The following ASB13 variants were observed in gnomAD, a reference collection of about 807,000 sequenced individuals.
ASB13 encodes the protein ankyrin repeat and SOCS box protein 13.
Under a neutral mutation model 28.8 loss-of-function variants are expected in ASB13, and 33 were observed. The observed-to-expected ratio is 1.15, with a 90% CI of 0.87 to 1.53. ASB13 has a LOEUF of 1.53. ASB13 is among the 40% of genes most tolerant of loss of function. ASB13 has a pLI of 0.00. For missense variants in ASB13, 414 were observed against 390.1 expected (o/e 1.06, Z -0.52); for synonymous variants, 182 against 172.9 (o/e 1.05, Z -0.41).
rs949028576 is a variant in ASB13, at chr10:5,642,977, C to T, written c.518-1016G>A. Among the ~76,000 whole-genome samples, 3 of 152,112 alleles carry T rather than the reference C, an allele frequency of 2.0e-5. No individual in the cohort carries two copies. Among genetic ancestry groups the T allele is most frequent in the African/African-American group, 7.2e-5 (3 of 41,412 alleles). ...TTTTTGTAACACATCATTCTTAGGGCACAGCCATCACTGATCCGATACAAT... is the reference window on the plus strand; with the variant it reads ...TTTTTGTAACACATCATTCTTAGGGTACAGCCATCACTGATCCGATACAAT... On this transcript the variant is annotated intron_variant, in intron 4 of 5. Transcript: ENST00000357700. This position sits in a 1 kb window ranked among gnomAD's most constrained non-coding sequence, Gnocchi z 4.1.
At position 5,645,266 on chromosome 10, in the gene ASB13, A is replaced by T. The variant is rs1277027443; in HGVS notation, c.518-3305T>A. On this transcript the variant is annotated intron_variant, in intron 4 of 5. Coordinates refer to ENST00000357700, the MANE Select transcript of ASB13 (RefSeq NM_024701.4). The surrounding 1 kb of genome is among the most constrained non-coding windows in gnomAD (Gnocchi z 5.4). ...AAAAAAAAATTAAATTTAAAAAATT[A>T]TAATTAAAAAATTTTTTAAAAATTA... 6.6e-6 allele frequency among the ~76,000 whole-genome samples: 1 copy of T among 152,066 alleles called. No individual in the cohort carries two copies. The highest frequency in any genetic ancestry group is 1.5e-5 in the Non-Finnish European group (1 of 68,006).
chr10:5,642,377 G>T lies in ASB13; in HGVS notation c.518-416C>A. 1.6e-6 allele frequency: 1 copy of T among 629,856 alleles called. No individual in the cohort carries two copies. Among genetic ancestry groups the T allele is most frequent in the Non-Finnish European group, 2.2e-6 (1 of 458,542 alleles). The allele number at this position is 629,856 out of a possible 1,614,324, so 39.0% of individuals were successfully genotyped here. A position where few individuals can be genotyped will look rare whatever the true frequency, so the allele number is the denominator to read the frequency against. ...CACACACTGCTTCTTCCTCTTGCGG[G>T]CCCAGGACGGAGGCTCCAGAAATAC... On this transcript the variant is annotated intron_variant, in intron 4 of 5. Transcript: ENST00000357700. The surrounding 1 kb of genome is among the most constrained non-coding windows in gnomAD (Gnocchi z 4.1).
Position 5,652,880 on chromosome 10 carries a change from G to C in ASB13, c.214C>G (p.Leu72Val). 6.4e-7 allele frequency: 1 copy of C among 1,556,740 alleles called. No individual in the cohort carries two copies. Among genetic ancestry groups the C allele is most frequent in the Non-Finnish European group, 8.7e-7 (1 of 1,149,586 alleles). The change falls in exon 2 of 6, where the codon CTG (leucine) becomes GTG (valine). Residue 72 changes from leucine to valine, a missense_variant. By Grantham distance (32) the Leu-to-Val change is conservative. Coordinates refer to ENST00000357700, the MANE Select transcript of ASB13 (RefSeq NM_024701.4). This position sits in a 1 kb window ranked among gnomAD's most constrained non-coding sequence, Gnocchi z 5.0. The part of the protein sequence containing the change: ...QGQARCVQLL[L>V]AAGAQVDARN... ...CCACTCACCTGGGCCCCAGCCGCCA[G>C]CAGCAGCTGCACACACCGCGCCTGG...
In ASB13 at chr10:5,651,306, T is replaced by C; in HGVS notation, c.289A>G (p.Ser97Gly). 1 of 1,613,990 alleles carries C rather than the reference T, an allele frequency of 6.2e-7. No individual in the cohort carries two copies. Among genetic ancestry groups the C allele is most frequent in the Non-Finnish European group, 8.5e-7 (1 of 1,179,962 alleles). The change falls in exon 3 of 6, where the codon AGC (serine) becomes GGC (glycine). Residue 97 changes from serine (S) to glycine (G), a missense_variant. Physicochemically the swap from Ser to Gly is moderately conservative, Grantham distance 56. Transcript: ENST00000357700. The surrounding 1 kb of genome is among the most constrained non-coding windows in gnomAD (Gnocchi z 5.1). The stretch of plus-strand genomic sequence containing the variant: ...AGCAAGAGCTTCACACACTCGATGC[T>C]GCCCGAGGCGCAGGCATCGCAGAGC... Reference protein sequence around the residue: ...TPLCDACASGSIECVKLLLSY... With the variant: ...TPLCDACASGGIECVKLLLSY...
intron 1 of ASB13, among the ~76,000 whole-genome samples, chr10:5,662,445 C>T (rs576880702): frequency 1.3e-5 from 2 of 149,192 alleles, no homozygotes; most frequent in Non-Finnish European, 3.0e-5. Flanking sequence ...ACAGGAGAAT[C>T]GCTTGAACCA....
chr10:5,650,117 C>T lies in ASB13; in HGVS notation c.383-1013G>A, dbSNP rs559856000. Among the ~76,000 whole-genome samples the T allele has an allele frequency of 6.6e-6, 1 of 152,290 alleles. No individual in the cohort carries two copies. The highest frequency in any genetic ancestry group is 2.4e-5 in the African/African-American group (1 of 41,546). ...CTCAAACCTGACTCATTTCTGACCTCTTGAGCCTCCCCTTCATACGAAATC... is the reference window on the plus strand; with the variant it reads ...CTCAAACCTGACTCATTTCTGACCTTTTGAGCCTCCCCTTCATACGAAATC... On this transcript the variant is annotated intron_variant, in intron 3 of 5. Coordinates refer to ENST00000357700, the MANE Select transcript of ASB13 (RefSeq NM_024701.4). The surrounding 1 kb of genome is among the most constrained non-coding windows in gnomAD (Gnocchi z 6.0).
rs1447004086 is a variant in ASB13 at position 5,660,326 on chromosome 10, C to G, written c.43+6183G>C. Among the ~76,000 whole-genome samples, 1 of 152,178 alleles carries G rather than the reference C, an allele frequency of 6.6e-6. No individual in the cohort carries two copies. Among genetic ancestry groups the G allele is most frequent in the African/African-American group, 2.4e-5 (1 of 41,450 alleles). On this transcript the variant is annotated intron_variant, in intron 1 of 5. Coordinates refer to ENST00000357700, the MANE Select transcript of ASB13 (RefSeq NM_024701.4). The surrounding 1 kb of genome is among the most constrained non-coding windows in gnomAD (Gnocchi z 6.1). ...GACCGTGTGCCAGGTGTGGACCTTT[C>G]TGGACCCCAGCTCCTCTTCCCCTCT...
chr10:5,665,097 T>G (rs1452458487), intron 1 of ASB13, among the ~76,000 whole-genome samples: 1 of 152,334 alleles, frequency 6.6e-6, no homozygotes, highest in South Asian at 2.1e-4. Flanking sequence ...CTTCAAGTGA[T>G]CCACCTGCCT....
chr10:5,649,203 G>T lies in ASB13; in HGVS notation c.383-99C>A. 1 of 1,531,464 alleles carries T rather than the reference G, an allele frequency of 6.5e-7. No homozygotes were observed. Among genetic ancestry groups the T allele is most frequent in the Non-Finnish European group, 8.9e-7 (1 of 1,125,872 alleles). The allele number at this position is 1,531,464 out of a possible 1,614,324, so 94.9% of individuals were successfully genotyped here. A position where few individuals can be genotyped will look rare whatever the true frequency, so the allele number is the denominator to read the frequency against. On this transcript the variant is annotated intron_variant, in intron 3 of 5. Coordinates refer to ENST00000357700, the MANE Select transcript of ASB13 (RefSeq NM_024701.4). This position sits in a 1 kb window ranked among gnomAD's most constrained non-coding sequence, Gnocchi z 6.4. ...AGGGGCAGCAGCCTCCATCCTTGGTGCAGGGCAGGGAAGCCAGGCAGGCCT... is the reference window on the plus strand; with the variant it reads ...AGGGGCAGCAGCCTCCATCCTTGGTTCAGGGCAGGGAAGCCAGGCAGGCCT...
At position 5,652,238 on chromosome 10, in the gene ASB13, G is replaced by A. The variant is rs1043380575; in HGVS notation, c.231+625C>T. 6.6e-6 allele frequency among the ~76,000 whole-genome samples: 1 copy of A among 152,038 alleles called. No homozygotes were observed. Among genetic ancestry groups the A allele is most frequent in the African/African-American group, 2.4e-5 (1 of 41,376 alleles). ...AAATCGGTTCCATTCCAACCTTTTGGGAAGAGTAAACAGTACACTGTCTTC... is the reference window on the plus strand; with the variant it reads ...AAATCGGTTCCATTCCAACCTTTTGAGAAGAGTAAACAGTACACTGTCTTC... On this transcript the variant is annotated intron_variant, in intron 2 of 5. Transcript: ENST00000357700. This position sits in a 1 kb window ranked among gnomAD's most constrained non-coding sequence, Gnocchi z 5.0.
Position 5,649,235 on chromosome 10 carries a change from C to A in ASB13, c.383-131G>T. The A allele has an allele frequency of 7.8e-7, 1 of 1,282,360 alleles. No homozygotes were observed. The highest frequency in any genetic ancestry group is 1.1e-6 in the Non-Finnish European group (1 of 919,944). The allele number at this position is 1,282,360 out of a possible 1,614,324, so 79.4% of individuals were successfully genotyped here. ...AGGGAAGCCAGGCAGGCCTGCGTCC[C>A]AACCTAGGGAGGAGTTCATGACCCG... On this transcript the variant is annotated intron_variant, in intron 3 of 5. Coordinates refer to ENST00000357700, the MANE Select transcript of ASB13 (RefSeq NM_024701.4). This position sits in a 1 kb window ranked among gnomAD's most constrained non-coding sequence, Gnocchi z 6.4.
chr10:5,649,160 C>T lies in ASB13; in HGVS notation c.383-56G>A. ...CCTTGAATACGGACACTGGAGACAA[C>T]AAGCACACAGACGCGGCAGGGGCAG... is the stretch of plus-strand genomic sequence containing the variant. On this transcript the variant is annotated intron_variant, in intron 3 of 5. Transcript: ENST00000357700. This position sits in a 1 kb window ranked among gnomAD's most constrained non-coding sequence, Gnocchi z 6.4. 6.2e-7 allele frequency: 1 copy of T among 1,607,946 alleles called. No individual in the cohort carries two copies. The highest frequency in any genetic ancestry group is 8.5e-7 in the Non-Finnish European group (1 of 1,177,178).
At chr10:5,662,565 G>GGAGAGGAGAAGAGAA (rs1835187934) in intron 1 of ASB13, among the ~76,000 whole-genome samples, 3 of 14,586 alleles carry the variant, frequency 2.1e-4, no homozygotes, top group South Asian at 4.1e-3. Context: ...GGAGGGGAGG[G>GGAGAGGAGAAGAGAA]GAGAAGAGAA....
chr10:5,652,924 T>C lies in ASB13; in HGVS notation c.170A>G (p.His57Arg), dbSNP rs1025089290. 6.3e-7 allele frequency: 1 copy of C among 1,584,180 alleles called. No individual in the cohort carries two copies. The highest frequency in any genetic ancestry group is 8.6e-7 in the Non-Finnish European group (1 of 1,165,698). Residue 57 changes from histidine (H) to arginine (R), a missense_variant, in exon 2 of 6, where the codon CAC becomes CGC. Transcript: ENST00000357700. The surrounding 1 kb of genome is among the most constrained non-coding windows in gnomAD (Gnocchi z 5.0). ...CGCCTGGCCCTGCAGACTGGCTGCG[T>C]GCAGGGGCGTGATGGAGTCCACGGT... is the stretch of plus-strand genomic sequence containing the variant. The part of the protein sequence containing the change: ...QVTVDSITPL[H>R]AASLQGQARC...
At chr10:5,662,065 G>C (rs768531136) in intron 1 of ASB13, among the ~76,000 whole-genome samples, 90 of 152,126 alleles carry the variant, frequency 5.9e-4, no homozygotes, top group South Asian at 1.0e-3. Flanking sequence ...GCAGGCACCG[G>C]AAGCCCCCAG....
In ASB13 at chr10:5,652,850, A is replaced by T. The variant is rs1252145394; in HGVS notation, c.231+13T>A. ...GCAGCCAGTCTGGGGGTCTGCCCTGAAGGGCCACTCACCTGGGCCCCAGCC... is the reference window on the plus strand; with the variant it reads ...GCAGCCAGTCTGGGGGTCTGCCCTGTAGGGCCACTCACCTGGGCCCCAGCC... On this transcript the variant is annotated intron_variant, in intron 2 of 5. Coordinates refer to ENST00000357700, the MANE Select transcript of ASB13 (RefSeq NM_024701.4). This position sits in a 1 kb window ranked among gnomAD's most constrained non-coding sequence, Gnocchi z 5.0. 1.2e-5 allele frequency: 18 copies of T among 1,525,352 alleles called. No homozygotes were observed. Among genetic ancestry groups the T allele is most frequent in the Non-Finnish European group, 1.6e-5 (18 of 1,134,814 alleles). The allele number at this position is 1,525,352 out of a possible 1,614,324, so 94.5% of individuals were successfully genotyped here.
rs1835170629 is a variant in ASB13, at chr10:5,661,775, A to G, written c.43+4734T>C. ...TGGCCTCCCTAAGTGCTGGGATTAC[A>G]GGCATGAGCCCCAGGCCCAGCCCAG... On this transcript the variant is annotated intron_variant, in intron 1 of 5. Coordinates refer to ENST00000357700, the MANE Select transcript of ASB13 (RefSeq NM_024701.4). The surrounding 1 kb of genome is among the most constrained non-coding windows in gnomAD (Gnocchi z 4.9). Among the ~76,000 whole-genome samples, 1 of 152,168 alleles carries G rather than the reference A, an allele frequency of 6.6e-6. No individual in the cohort carries two copies. The highest frequency in any genetic ancestry group is 2.4e-5 in the African/African-American group (1 of 41,450).
chr10:5,644,770 A>G lies in ASB13; in HGVS notation c.518-2809T>C, dbSNP rs1196863859. Among the ~76,000 whole-genome samples, 1 of 152,026 alleles carries G rather than the reference A, an allele frequency of 6.6e-6. No individual in the cohort carries two copies. The highest frequency in any genetic ancestry group is 1.5e-5 in the Non-Finnish European group (1 of 68,004). On this transcript the variant is annotated intron_variant, in intron 4 of 5. Coordinates refer to ENST00000357700, the MANE Select transcript of ASB13 (RefSeq NM_024701.4). This position sits in a 1 kb window ranked among gnomAD's most constrained non-coding sequence, Gnocchi z 5.1. ...GAGATGGAGGCTGCAGTGAGCAGAG[A>G]TCACACCACTGCACTCCAGCCTGGG... is the stretch of plus-strand genomic sequence containing the variant.
Position 5,641,775 on chromosome 10 carries a change from T to C in ASB13, c.704A>G (p.Tyr235Cys), listed in dbSNP as rs1834810380. ...CGCTCGGTGGGGTGTCTCACTTTCG[T>C]AGTACTCGAAGCACTTGGCGGGAGC... is the stretch of plus-strand genomic sequence containing the variant. ...SSAPAKCFEY[Y>C]EKTPLTLSQL... Residue 235 changes from tyrosine to cysteine, a missense_variant, in exon 5 of 6, where the codon TAC becomes TGC. Physicochemically the swap from Tyr to Cys is radical, Grantham distance 194 (BLOSUM62 -2). Coordinates refer to ENST00000357700, the MANE Select transcript of ASB13 (RefSeq NM_024701.4). This position sits in a 1 kb window ranked among gnomAD's most constrained non-coding sequence, Gnocchi z 8.4. 6.3e-7 allele frequency: 1 copy of C among 1,587,204 alleles called. No individual in the cohort carries two copies. Among genetic ancestry groups the C allele is most frequent in the Non-Finnish European group, 8.6e-7 (1 of 1,164,844 alleles).
Sources: allele counts gnomAD v4.1 joint callset (sites outside exome capture counted in the v4.1 genomes callset), GRCh38; gene constraint gnomAD v4.1.1; non-coding constraint Gnocchi (gnomAD v3.1); transcripts MANE v1.5; gene names NCBI Gene and HGNC (gene_info 2026-07-23, HGNC 2026-07-21).